ZFHX3: variants seen among roughly 807,000 people sequenced by gnomAD.
ZFHX3 encodes the protein zinc finger homeobox protein 3.
ZFHX3 carries 42 observed loss-of-function variants against 279.1 expected under a neutral mutation model. That is an observed-to-expected ratio of 0.15 (90% CI 0.12 to 0.19). The LOEUF is 0.19. Among genes scored for constraint, ZFHX3 ranks in the 10% least tolerant of loss-of-function variants. ZFHX3 has a pLI of 1.00. For missense variants in ZFHX3, 4,981 were observed against 4,754.0 expected (o/e 1.05, Z -1.40); for synonymous variants, 2,293 against 1,957.8 (o/e 1.17, Z -4.52).
rs559911114 is a variant in ZFHX3 at position 73,797,502 on chromosome 16, G to A, written c.-1608+94149C>T. On this transcript the variant is annotated intron_variant, in intron 1 of 17. Transcript: ENST00000641206. ...TGTCAAAATGCAAAAAGCCAGTTCC[G>A]CAGAGGTTTAGGCCCAGGGAGGTCA... 4.6e-5 allele frequency among the ~76,000 whole-genome samples: 7 copies of A among 152,276 alleles called. No individual in the cohort carries two copies. In the East Asian group the frequency reaches 9.7e-4, roughly 21 times the overall value.
chr16:72,848,924 G>GC (rs11380435), intron 4 of ZFHX3, among the ~76,000 whole-genome samples: 152,196 of 152,226 alleles, frequency 1, 76,083 homozygotes, highest in Middle Eastern at 1. Flanking sequence ...GGCAGGCAGA[G>GC]CGCCGGGCTG....
intron 3 of ZFHX3, among the ~76,000 whole-genome samples, chr16:73,375,635 C>T (rs1029909386): frequency 9.9e-5 from 15 of 152,150 alleles, no homozygotes; most frequent in African/African-American, 3.6e-4. Flanking sequence ...AATTCAGTTA[C>T]AAGTTTTTAT....
intron 3 of ZFHX3, among the ~76,000 whole-genome samples, chr16:73,359,339 G>A (rs966033028): frequency 2.0e-5 from 3 of 152,156 alleles, no homozygotes; most frequent in Non-Finnish European, 4.4e-5. Flanking sequence ...GGGACACAGG[G>A]GTGAATAAGA....
chr16:73,024,373 C>G (rs1005003378), intron 1 of ZFHX3, among the ~76,000 whole-genome samples: 1 of 152,100 alleles, frequency 6.6e-6, no homozygotes, highest in African/African-American at 2.4e-5. Flanking sequence ...CATCATGCCC[C>G]GCAGGCAAAG....
At chr16:73,105,280 C>A (rs1195835234) in intron 7 of ZFHX3, among the ~76,000 whole-genome samples, 1 of 148,904 alleles carries the variant, frequency 6.7e-6, no homozygotes, top group East Asian at 2.0e-4. Flanking sequence ...TATACACACA[C>A]AGACACACAC....
chr16:73,801,522 A>G (rs1284959923), intron 1 of ZFHX3, among the ~76,000 whole-genome samples: 2 of 152,204 alleles, frequency 1.3e-5, no homozygotes, highest in African/African-American at 4.8e-5. Flanking sequence ...CTAGATCAAA[A>G]AATCAGGGCA....
chr16:73,703,626 A>T (rs940647555), intron 1 of ZFHX3, among the ~76,000 whole-genome samples: 3 of 152,076 alleles, frequency 2.0e-5, no homozygotes, highest in Admixed American at 6.5e-5. Flanking sequence ...AGAGATCGGT[A>T]GACTGTGCCT....
rs527771483 is a variant in ZFHX3, at chr16:72,826,601, A to G, written c.3529+3178T>C. ...ATCAAATCGGCCCAAGTACCTTAATAAAGCCTGTCATTACACACTCAGATA... is the reference window on the plus strand; with the variant it reads ...ATCAAATCGGCCCAAGTACCTTAATGAAGCCTGTCATTACACACTCAGATA... On this transcript the variant is annotated intron_variant, in intron 5 of 9. Transcript: ENST00000268489. 3.3e-5 allele frequency among the ~76,000 whole-genome samples: 5 copies of G among 152,346 alleles called. No individual in the cohort carries two copies. The South Asian group carries it at 1.0e-3, about 32-fold the overall frequency.
chr16:72,828,386 T>C (rs2036983854), intron 5 of ZFHX3, among the ~76,000 whole-genome samples: 1 of 152,246 alleles, frequency 6.6e-6, no homozygotes, highest in African/African-American at 2.4e-5. Flanking sequence ...CCTAAGCTTT[T>C]TTAGTCTCAG....
chr16:73,864,141 C>T (rs1961952397), intron 1 of ZFHX3, among the ~76,000 whole-genome samples: 1 of 152,154 alleles, frequency 6.6e-6, no homozygotes, highest in South Asian at 2.1e-4. Context: ...AATCCATTGC[C>T]AGAACTTGCA....
intron 1 of ZFHX3, among the ~76,000 whole-genome samples, chr16:73,867,964 C>G (rs926090733): frequency 9.8e-5 from 15 of 152,338 alleles, no homozygotes; most frequent in Non-Finnish European, 2.2e-4. Context: ...GGCCGGCCAA[C>G]CAGGCCATTC....
intron 2 of ZFHX3, among the ~76,000 whole-genome samples, chr16:73,655,876 T>C (rs985082782): frequency 1.3e-5 from 2 of 152,188 alleles, no homozygotes; most frequent in Non-Finnish European, 2.9e-5. Context: ...GTACATCCAC[T>C]CTAGAGAAAT....
chr16:73,890,353 G>C (rs2030493824), intron 1 of ZFHX3, among the ~76,000 whole-genome samples: 1 of 152,020 alleles, frequency 6.6e-6, no homozygotes. Context: ...AGGGGGCAGC[G>C]AATGTTCCAT....
chr16:73,026,981 C>T (rs1352929138), intron 1 of ZFHX3, among the ~76,000 whole-genome samples: 6 of 152,198 alleles, frequency 3.9e-5, no homozygotes, highest in African/African-American at 7.2e-5. Flanking sequence ...TTGCAGGCCA[C>T]GCATTCTCAC....
intron 5 of ZFHX3, among the ~76,000 whole-genome samples, chr16:73,178,298 C>G (rs1220535935): frequency 6.6e-6 from 1 of 152,034 alleles, no homozygotes; most frequent in Non-Finnish European, 1.5e-5. Flanking sequence ...CCACAACACC[C>G]AGCTATTTTT....
intron 3 of ZFHX3, among the ~76,000 whole-genome samples, chr16:73,318,533 C>A (rs954660423): frequency 2.0e-5 from 3 of 150,914 alleles, no homozygotes; most frequent in African/African-American, 4.9e-5. Context: ...TTTCTTTATT[C>A]CTTTTTCTTC....
intron 2 of ZFHX3, among the ~76,000 whole-genome samples, chr16:73,619,752 C>G (rs2052340355): frequency 6.6e-6 from 1 of 152,036 alleles, no homozygotes. Context: ...CATTTCCTGC[C>G]TACCAAACCC....
intron 2 of ZFHX3, among the ~76,000 whole-genome samples, chr16:73,588,717 A>AAAACAAG (rs2051955137): frequency 1.3e-5 from 2 of 151,442 alleles, no homozygotes; most frequent in Non-Finnish European, 2.9e-5. Flanking sequence ...CAAAAAAAAA[A>AAAACAAG]AAAACAAGAA....
At chr16:73,306,690 A>G (rs2015188944) in intron 4 of ZFHX3, among the ~76,000 whole-genome samples, 1 of 152,222 alleles carries the variant, frequency 6.6e-6, no homozygotes, top group African/African-American at 2.4e-5. Flanking sequence ...ACAAGAATCC[A>G]TATTTGAGGT....
Sources: gnomAD v4.1 joint callset for allele counts (sites outside exome capture counted in the v4.1 genomes callset) on GRCh38, gnomAD v4.1.1 for gene constraint, MANE v1.5 for transcripts, NCBI Gene and HGNC (gene_info 2026-07-23, HGNC 2026-07-21) for gene names.